ELANE: variants seen among roughly 807,000 people sequenced by gnomAD.
ELANE encodes the protein elastase, neutrophil expressed.
ELANE carries 12 observed loss-of-function variants against 20.6 expected under a neutral mutation model. The observed-to-expected ratio is 0.58, with a 90% CI of 0.37 to 0.94. ELANE has a LOEUF of 0.94. ELANE is among the 40% of genes least tolerant of loss of function. The probability of loss-of-function intolerance (pLI) is 0.01; values close to 1 mark genes in which losing one functional copy is unlikely to be tolerated. For synonymous variants in ELANE, 203 were observed against 177.4 expected, an observed-to-expected ratio of 1.14 and a Z score of -1.15; for missense variants, 388 against 395.2, an observed-to-expected ratio of 0.98 and a Z score of 0.15.
At position 852,990 on chromosome 19, in the gene ELANE, C is replaced by T. The variant is rs137854447; in HGVS notation, c.182C>T (p.Ala61Val). 6.3e-7 allele frequency: 1 copy of T among 1,579,780 alleles called. No homozygotes were observed. Among genetic ancestry groups the T allele is most frequent in the Non-Finnish European group, 8.5e-7 (1 of 1,169,904 alleles). The stretch of plus-strand genomic sequence containing the variant: ...CACTTCTGCGGCGCCACCCTGATTG[C>T]GCCCAACTTCGTCATGTCGGCCGCG... ...GGHFCGATLI[A>V]PNFVMSAAHC... is the part of the protein sequence containing the mutation. Residue 61 changes from alanine to valine, a missense_variant, in exon 2 of 5, where the codon GCG (alanine) becomes GTG (valine). Ala to Val is a moderately conservative substitution (Grantham distance 64). Transcript: ENST00000263621.
At chr19:853,129 G>T (rs1281778329) in intron 2 of ELANE, 97 bp downstream of exon 2, 6 of 1,484,814 alleles carry the variant, frequency 4.0e-6, no homozygotes, top group African/African-American at 1.4e-5. Context: ...TGGCGGGGGG[G>T]GGTCCGTCCA....
rs201081403 is a variant in ELANE at position 852,871 on chromosome 19, C to T, written c.68-5C>T. On this transcript the variant is annotated splice_polypyrimidine_tract_variant and splice_region_variant and intron_variant, in intron 1 of 4. Coordinates refer to ENST00000263621, the MANE Select transcript of ELANE (RefSeq NM_001972.4). ...ACTCAGCACCCGCACCCGGTGTGTC[C>T]CCAGGCACCGCGCTGGCCTCGGAGA... 8 of 1,594,442 alleles carry T rather than the reference C, an allele frequency of 5.0e-6. No homozygotes were observed. The highest frequency in any genetic ancestry group is 4.0e-5 in the African/African-American group (3 of 74,684).
rs749122664 is a variant in ELANE, at chr19:856,046, C to G, written c.686C>G (p.Pro229Arg). The G allele has an allele frequency of 1.2e-6, 2 of 1,613,580 alleles. No individual in the cohort carries two copies. Among genetic ancestry groups the G allele is most frequent in the East Asian group, 2.2e-5 (1 of 44,876 alleles). ...VRGGCASGLY[P>R]DAFAPVAQFV... The stretch of plus-strand genomic sequence containing the variant: ...GGAGGCTGCGCCTCAGGGCTCTACC[C>G]CGATGCCTTTGCCCCGGTGGCACAG... Residue 229 changes from proline (P) to arginine (R), a missense_variant, in exon 5 of 5, where the codon CCC becomes CGC. Pro to Arg is a moderately radical substitution (Grantham distance 103). Coordinates refer to ENST00000263621, the MANE Select transcript of ELANE (RefSeq NM_001972.4).
At position 852,889 on chromosome 19, in the gene ELANE, C is replaced by T. The variant is rs2145143896; in HGVS notation, c.81C>T (p.Ala27=). ...GTGTGTCCCCAGGCACCGCGCTGGC[C>T]TCGGAGATTGTGGGGGGCCGGCGAG... ...PALLLGGTAL[A]SEIVGGRRAR... is the part of the protein sequence containing the mutation. Residue 27 remains alanine (A), a synonymous_variant, in exon 2 of 5, where the codon GCC becomes GCT. Coordinates refer to ENST00000263621, the MANE Select transcript of ELANE (RefSeq NM_001972.4). The T allele has an allele frequency of 1.3e-6, 2 of 1,596,366 alleles. No homozygotes were observed. Among genetic ancestry groups the T allele is most frequent in the Admixed American group, 1.7e-5 (1 of 59,812 alleles).
In ELANE at chr19:855,698, C is replaced by T. The variant is rs756658547; in HGVS notation, c.501C>T (p.Ser167=). 3.7e-6 allele frequency: 6 copies of T among 1,609,714 alleles called. No homozygotes were observed. The highest frequency in any genetic ancestry group is 1.1e-5 in the South Asian group (1 of 91,082). Residue 167 remains serine, a synonymous_variant, in exon 4 of 5, where the codon AGC becomes AGT. Coordinates refer to ENST00000263621, the MANE Select transcript of ELANE (RefSeq NM_001972.4). This position sits in a 1 kb window ranked among gnomAD's most constrained non-coding sequence, Gnocchi z 6.2. ...TGGGCAGGAACCGTGGGATCGCCAG[C>T]GTCCTGCAGGAGCTCAACGTGACGG... ...GLLGRNRGIA[S]VLQELNVTVV...
rs780046041 is a variant in ELANE at position 856,036 on chromosome 19, G to A, written c.676G>A (p.Gly226Arg). Residue 226 changes from glycine (G) to arginine (R), a missense_variant, in exon 5 of 5, where the codon GGG (glycine) becomes AGG (arginine). Physicochemically the swap from Gly to Arg is moderately radical, Grantham distance 125 (BLOSUM62 -2). Transcript: ENST00000263621. ...ASFVRGGCAS[G>R]LYPDAFAPVA... ...CTTCGTCCGGGGAGGCTGCGCCTCA[G>A]GGCTCTACCCCGATGCCTTTGCCCC... The A allele has an allele frequency of 5.0e-6, 8 of 1,613,598 alleles. No individual in the cohort carries two copies. The highest frequency in any genetic ancestry group is 6.8e-6 in the Non-Finnish European group (8 of 1,180,042).
chr19:852,306 G>C lies in ELANE; in HGVS notation c.-23G>C. On this transcript the variant is annotated 5_prime_UTR_variant, in exon 1 of 5. Transcript: ENST00000263621. The stretch of plus-strand genomic sequence containing the variant: ...AGCCGGGCGGGCACGGAGGGGCAGA[G>C]ACCCCGGAGCCCCAGCCCCACCATG... 1 of 1,604,662 alleles carries C rather than the reference G, an allele frequency of 6.2e-7. No homozygotes were observed.
rs34535016 is a variant in ELANE at position 853,122 on chromosome 19, CGG to C, written c.224+98_224+99del. Reference sequence around the variant, plus strand: ...GGGAGGCCGGGGCCGGGGCTGCTGGCGGGGGGGGGTCCGTCCAGGGCCCGCGG... The same window carrying C: ...GGGAGGCCGGGGCCGGGGCTGCTGGCGGGGGGGTCCGTCCAGGGCCCGCGG... On this transcript the variant is annotated intron_variant, in intron 2 of 4. Coordinates refer to ENST00000263621, the MANE Select transcript of ELANE (RefSeq NM_001972.4). 3.0e-4 allele frequency: 299 copies of C among 995,894 alleles called. 3 individuals carry two copies. In the African/African-American group the frequency reaches 4.8e-3, roughly 16 times the overall value. The allele number at this position is 995,894 out of a possible 1,614,324, so 61.7% of individuals were successfully genotyped here. A position where few individuals can be genotyped will look rare whatever the true frequency, so the allele number is the denominator to read the frequency against.
intron 3 of ELANE, among the ~76,000 whole-genome samples, chr19:853,997 G>A (rs370756964): frequency 1.3e-5 from 2 of 151,656 alleles, no homozygotes; most frequent in East Asian, 3.9e-4. Flanking sequence ...GAGAAGGGAG[G>A]CCCCGATCTG....
Position 855,998 on chromosome 19 carries a change from A to G in ELANE, c.638A>G (p.His213Arg). 6.2e-7 allele frequency: 1 copy of G among 1,613,384 alleles called. No homozygotes were observed. Among genetic ancestry groups the G allele is most frequent in the Non-Finnish European group, 8.5e-7 (1 of 1,180,016 alleles). ...CCCTTGGTCTGCAACGGGCTAATCC[A>G]CGGAATTGCCTCCTTCGTCCGGGGA... is the stretch of plus-strand genomic sequence containing the variant. ...GSPLVCNGLI[H>R]GIASFVRGGC... The change falls in exon 5 of 5, where the codon CAC becomes CGC. Residue 213 changes from histidine (H) to arginine (R), a missense_variant. By Grantham distance (29) the His-to-Arg change is conservative. This residue lies in a region of ELANE where 321 missense variants were observed against 309.8 expected (regional missense o/e 1.04). Transcript: ENST00000263621. This position sits in a 1 kb window ranked among gnomAD's most constrained non-coding sequence, Gnocchi z 6.2.
At chr19:853,109 C>T (rs1283712081) in intron 2 of ELANE, 77 bp downstream of exon 2, 3 of 1,497,976 alleles carry the variant, frequency 2.0e-6, no homozygotes, top group African/African-American at 2.9e-5. Flanking sequence ...GAGGCCGGGG[C>T]CGGGGCTGCT....
chr19:852,546 C>A, intron 1 of ELANE, 151 bp downstream of exon 1: 3 of 855,644 alleles, frequency 3.5e-6, no homozygotes, highest in South Asian at 1.5e-5. Context: ...AGGTTCTGAG[C>A]GGTGAAGCCA....
rs756361792 is a variant in ELANE at position 856,162 on chromosome 19, TGAG to T, written c.803_*1del. On this transcript the variant is annotated stop_retained_variant and 3_prime_UTR_variant, in exon 5 of 5. Coordinates refer to ENST00000263621, the MANE Select transcript of ELANE (RefSeq NM_001972.4). ...CCCGGACCCGGCCAGCAGGACCCACTGAGAAGGGCTGCCCGGGTCACCTCAGCT... is the reference window on the plus strand; with the variant it reads ...CCCGGACCCGGCCAGCAGGACCCACTAAGGGCTGCCCGGGTCACCTCAGCT... The T allele has an allele frequency of 5.0e-6, 8 of 1,612,770 alleles. No individual in the cohort carries two copies. The highest frequency in any genetic ancestry group is 6.8e-6 in the Non-Finnish European group (8 of 1,180,022).
Position 856,113 on chromosome 19 carries a change from C to G in ELANE, c.753C>G (p.Asp251Glu), listed in dbSNP as rs2035677921. The stretch of plus-strand genomic sequence containing the variant: ...ACTCTATCATCCAACGCTCCGAGGA[C>G]AACCCCTGTCCCCACCCCCGGGACC... ...WIDSIIQRSE[D>E]NPCPHPRDPD... The change falls in exon 5 of 5, where the codon GAC (aspartate) becomes GAG (glutamate). Residue 251 changes from aspartate (D) to glutamate (E), a missense_variant. Transcript: ENST00000263621. The G allele has an allele frequency of 1.1e-5, 18 of 1,613,004 alleles. No individual in the cohort carries two copies. Among genetic ancestry groups the G allele is most frequent in the Non-Finnish European group, 1.4e-5 (16 of 1,180,030 alleles).
Position 856,059 on chromosome 19 carries a change from C to T in ELANE, c.699C>T (p.Ala233=). 1.2e-6 allele frequency: 2 copies of T among 1,613,554 alleles called. No homozygotes were observed. The highest frequency in any genetic ancestry group is 2.2e-5 in the South Asian group (2 of 91,092). ...CAGGGCTCTACCCCGATGCCTTTGC[C>T]CCGGTGGCACAGTTTGTAAACTGGA... ...CASGLYPDAF[A]PVAQFVNWID... Residue 233 remains alanine, a synonymous_variant, in exon 5 of 5, where the codon GCC becomes GCT. Coordinates refer to ENST00000263621, the MANE Select transcript of ELANE (RefSeq NM_001972.4).
chr19:853,060 G>T, intron 2 of ELANE, 28 bp downstream of exon 2: 2 of 1,536,410 alleles, frequency 1.3e-6, no homozygotes, highest in Non-Finnish European at 1.7e-6. Flanking sequence ...TGCGCGCCCG[G>T]CTCGGACCCC....
At chr19:852,769 CGGTGG>C (rs1461186386) in intron 1 of ELANE, 102 bp from the exon 2 acceptor site, 2 of 1,408,196 alleles carry the variant, frequency 1.4e-6, no homozygotes, top group Non-Finnish European at 1.9e-6. Flanking sequence ...CGTGGGTTCC[CGGTGG>C]GGGATCCCGT....
At chr19:854,397 G>C (rs1285112075) in intron 3 of ELANE, among the ~76,000 whole-genome samples, 1 of 150,184 alleles carries the variant, frequency 6.7e-6, no homozygotes, top group Non-Finnish European at 1.5e-5. Flanking sequence ...GCAGTGAGCT[G>C]AGATCACACC....
chr19:855,914 C>G lies in ELANE; in HGVS notation c.598-44C>G, dbSNP rs200952160. ...CCCTGACAGGCGGCGGGCAGGTGGGCAGGGCCTCGCAGTCCAGCTTCCCCA... is the reference window on the plus strand; with the variant it reads ...CCCTGACAGGCGGCGGGCAGGTGGGGAGGGCCTCGCAGTCCAGCTTCCCCA... On this transcript the variant is annotated intron_variant, in intron 4 of 4. Coordinates refer to ENST00000263621, the MANE Select transcript of ELANE (RefSeq NM_001972.4). This position sits in a 1 kb window ranked among gnomAD's most constrained non-coding sequence, Gnocchi z 6.2. 4 of 1,610,618 alleles carry G rather than the reference C, an allele frequency of 2.5e-6. No homozygotes were observed. Among genetic ancestry groups the G allele is most frequent in the Non-Finnish European group, 3.4e-6 (4 of 1,179,286 alleles).
Sources: gnomAD v4.1 joint callset for allele counts (sites outside exome capture counted in the v4.1 genomes callset) on GRCh38, gnomAD v4.1.1 for gene constraint, gnomAD v4.1.1 regional missense constraint, Gnocchi (gnomAD v3.1) non-coding constraint, MANE v1.5 for transcripts, NCBI Gene and HGNC (gene_info 2026-07-23, HGNC 2026-07-21) for gene names.